Variants in FSTL1 observed in about 807,000 individuals in gnomAD.
FSTL1 encodes the protein follistatin like 1.
FSTL1 carries 24 observed loss-of-function variants against 45.9 expected under a neutral mutation model. The ratio of observed to expected loss-of-function variants is 0.52; its 90% CI spans 0.38 to 0.74. The LOEUF is 0.74. FSTL1 is among the 30% of genes least tolerant of loss of function. The probability of loss-of-function intolerance (pLI) is 0.00; values close to 1 mark genes in which losing one functional copy is unlikely to be tolerated. For missense variants in FSTL1, 340 were observed against 381.8 expected (o/e 0.89, Z 0.91); for synonymous variants, 120 against 137.6 (o/e 0.87, Z 0.89).
intron 2 of FSTL1, among the ~76,000 whole-genome samples, chr3:120,425,693 T>A (rs968563180): frequency 3.3e-5 from 5 of 152,350 alleles, no homozygotes; most frequent in African/African-American, 1.2e-4. Flanking sequence ...CCAAGGAAGC[T>A]AACCTAAATG....
intron 3 of FSTL1, among the ~76,000 whole-genome samples, chr3:120,412,831 C>CTTTG (rs1937093373): frequency 7.8e-6 from 1 of 128,600 alleles, no homozygotes; most frequent in South Asian, 2.4e-4. Flanking sequence ...CGCGCGCGCG[C>CTTTG]GCGCGCGCAC....
At chr3:120,407,397 G>T (rs1576210603) in intron 6 of FSTL1, among the ~76,000 whole-genome samples, 1 of 152,278 alleles carries the variant, frequency 6.6e-6, no homozygotes. Flanking sequence ...AATTAGGAAT[G>T]GATTAGATTC....
At chr3:120,415,866 G>T (rs577353354) in intron 3 of FSTL1, 57 bp downstream of exon 3, 1 of 978,898 alleles carries the variant, frequency 1.0e-6, no homozygotes, top group East Asian at 2.4e-5. Flanking sequence ...GGGTGGCTCC[G>T]CAAGGTACCA....
chr3:120,415,815 C>A, intron 3 of FSTL1, 108 bp downstream of exon 3: 3 of 596,648 alleles, frequency 5.0e-6, no homozygotes, highest in Non-Finnish European at 9.3e-6. Context: ...ATGAAGAATG[C>A]TTTTATAAAG....
At position 120,393,745 on chromosome 3, in the gene FSTL1, T is replaced by C. The variant is rs1936635774; in HGVS notation, c.*3207A>G. The C allele has an allele frequency of 6.6e-6, 1 of 152,152 alleles. No individual in the cohort carries two copies. Among genetic ancestry groups the C allele is most frequent in the Non-Finnish European group, 1.5e-5 (1 of 68,038 alleles). 9.4% of individuals were successfully genotyped at this position (152,152 alleles called of 1,614,324 possible). The stretch of plus-strand genomic sequence containing the variant: ...TAAAATTGAATCCCCAAAGCAATGG[T>C]ATTGAGAGGTGAGGCTCTTGGGAGA... On this transcript the variant is annotated 3_prime_UTR_variant, in exon 11 of 11. Transcript: ENST00000295633.
chr3:120,418,779 GGTT>G (rs1238371209), intron 2 of FSTL1, among the ~76,000 whole-genome samples: 5 of 152,230 alleles, frequency 3.3e-5, no homozygotes, highest in East Asian at 1.9e-4. Flanking sequence ...ATTCTTAGAG[GGTT>G]GTTGTGAGGA....
chr3:120,400,856 G>T (rs780042870), intron 9 of FSTL1, among the ~76,000 whole-genome samples: 5 of 152,172 alleles, frequency 3.3e-5, no homozygotes, highest in African/African-American at 1.2e-4. Context: ...GGCCCCTGGG[G>T]CACCACCATC....
At chr3:120,412,824 G>GCA (rs1479531840) in intron 3 of FSTL1, among the ~76,000 whole-genome samples, 2 of 92,784 alleles carry the variant, frequency 2.2e-5, no homozygotes, top group Non-Finnish European at 4.0e-5. Flanking sequence ...ACATGTGCGC[G>GCA]CGCGCGCGCG....
At chr3:120,407,831 G>A (rs1439422438) in intron 6 of FSTL1, among the ~76,000 whole-genome samples, 1 of 152,246 alleles carries the variant, frequency 6.6e-6, no homozygotes, top group African/African-American at 2.4e-5. Context: ...GCCTGGTTGT[G>A]AGAATGTCCT....
intron 2 of FSTL1, among the ~76,000 whole-genome samples, chr3:120,421,938 A>G (rs970571671): frequency 2.0e-5 from 3 of 152,254 alleles, no homozygotes; most frequent in Non-Finnish European, 4.4e-5. Context: ...ACCCTTGCAA[A>G]TAAAAGGTCT....
At chr3:120,422,665 T>A (rs1344355931) in intron 2 of FSTL1, among the ~76,000 whole-genome samples, 1 of 152,044 alleles carries the variant, frequency 6.6e-6, no homozygotes, top group Non-Finnish European at 1.5e-5. Context: ...CTTTAAGATT[T>A]AAAAAAATCT....
chr3:120,444,004 C>A (rs1056351301), intron 2 of FSTL1, among the ~76,000 whole-genome samples: 4 of 149,966 alleles, frequency 2.7e-5, no homozygotes, highest in Non-Finnish European at 5.9e-5. Flanking sequence ...CTGTTTACTT[C>A]ATCAGAATAG....
intron 2 of FSTL1, among the ~76,000 whole-genome samples, chr3:120,442,948 TGGGGGGA>T (rs1553705021): frequency 2.1e-5 from 1 of 46,942 alleles, no homozygotes; most frequent in African/African-American, 1.1e-4. Flanking sequence ...TGTTGTGGGG[TGGGGGGA>T]GGGGGGAGGG....
rs1274179356 is a variant in FSTL1, at chr3:120,395,690, G to A, written c.*1262C>T. The A allele has an allele frequency of 3.7e-6, 2 of 534,354 alleles. No individual in the cohort carries two copies. Among genetic ancestry groups the A allele is most frequent in the South Asian group, 2.8e-5 (2 of 71,570 alleles). 33.1% of individuals were successfully genotyped at this position (534,354 alleles called of 1,614,324 possible). A position where few individuals can be genotyped will look rare whatever the true frequency, so the allele number is the denominator to read the frequency against. ...ATTTCATTTATTCTATAGAGAAGAA[G>A]GAAAAATCACAGGAACCTATCTCCC... On this transcript the variant is annotated 3_prime_UTR_variant, in exon 11 of 11. Coordinates refer to ENST00000295633, the MANE Select transcript of FSTL1 (RefSeq NM_007085.5).
intron 10 of FSTL1, among the ~76,000 whole-genome samples, chr3:120,399,200 A>C (rs1440171150): frequency 6.6e-6 from 1 of 152,132 alleles, no homozygotes; most frequent in Non-Finnish European, 1.5e-5. Flanking sequence ...CTACATAATA[A>C]GCCAGTAGGA....
intron 6 of FSTL1, among the ~76,000 whole-genome samples, chr3:120,407,164 T>A (rs1042162822): frequency 6.6e-6 from 1 of 152,194 alleles, no homozygotes; most frequent in African/African-American, 2.4e-5. Context: ...ACTGTAGGGT[T>A]GTGGAAAGGC....
At chr3:120,402,705 G>A (rs1399602369) in intron 9 of FSTL1, 103 bp downstream of exon 9, 1 of 778,668 alleles carries the variant, frequency 1.3e-6, no homozygotes, top group Non-Finnish European at 2.3e-6. Flanking sequence ...CTTGCTCCCA[G>A]CCACCGCCCT....
At chr3:120,412,057 GCACA>G in intron 3 of FSTL1, 74 bp from the exon 4 acceptor site, 1 of 545,470 alleles carries the variant, frequency 1.8e-6, no homozygotes. Context: ...ACACATACAT[GCACA>G]CACACACACA....
intron 2 of FSTL1, among the ~76,000 whole-genome samples, chr3:120,442,213 C>T (rs1386966657): frequency 6.6e-6 from 1 of 152,162 alleles, no homozygotes; most frequent in African/African-American, 2.4e-5. Context: ...CAGGTAGAGA[C>T]ACAGGAATGA....
Sources: gnomAD v4.1 joint callset for allele counts (sites outside exome capture counted in the v4.1 genomes callset) on GRCh38, gnomAD v4.1.1 for gene constraint, MANE v1.5 for transcripts, NCBI Gene and HGNC (gene_info 2026-07-23, HGNC 2026-07-21) for gene names.